The following CDH20 variants were observed in gnomAD, a reference collection of about 807,000 sequenced individuals.
CDH20 encodes cadherin 20.
Under a neutral mutation model 74.2 loss-of-function variants are expected in CDH20, and 29 were observed. The ratio of observed to expected loss-of-function variants is 0.39; its 90% CI spans 0.29 to 0.53. The LOEUF is 0.53. Ranked by LOEUF, CDH20 falls within the 20% of genes least tolerant of loss-of-function variation. The pLI, the probability that CDH20 is intolerant of heterozygous loss-of-function variation, is 0.69. For synonymous variants in CDH20, 469 were observed against 405.4 expected (o/e 1.16, Z -1.88); for missense variants, 988 against 1,048.3 (o/e 0.94, Z 0.79).
At chr18:61,347,484 T>TG (rs1910166784) in intron 1 of CDH20, among the ~76,000 whole-genome samples, 1 of 150,030 alleles carries the variant, frequency 6.7e-6, no homozygotes, top group Non-Finnish European at 1.5e-5. Flanking sequence ...CGTGCCACTG[T>TG]ACTCCAGCCG....
chr18:61,340,226 C>CT (rs59628153), intron 1 of CDH20, among the ~76,000 whole-genome samples: 10 of 119,738 alleles, frequency 8.4e-5, no homozygotes, highest in African/African-American at 2.7e-4. Context: ...CTTCAGCCTT[C>CT]TTTTTTTTTT....
intron 1 of CDH20, among the ~76,000 whole-genome samples, chr18:61,481,969 AGAGGG>A (rs1910604809): frequency 6.6e-6 from 1 of 150,780 alleles, no homozygotes; most frequent in Non-Finnish European, 1.5e-5. Flanking sequence ...TTCTAGCGTG[AGAGGG>A]GATTGTGTAA....
chr18:61,481,910 T>C (rs1167585803), intron 1 of CDH20, among the ~76,000 whole-genome samples: 1 of 152,116 alleles, frequency 6.6e-6, no homozygotes, highest in Non-Finnish European at 1.5e-5. Flanking sequence ...ATCAAGCATA[T>C]TTCAAATGTT....
chr18:61,488,458 T>A (rs889691645), intron 1 of CDH20, among the ~76,000 whole-genome samples: 1 of 152,120 alleles, frequency 6.6e-6, no homozygotes, highest in Non-Finnish European at 1.5e-5. Flanking sequence ...TACAGGGCAC[T>A]TTTTTGCCTG....
chr18:61,538,584 G>GTTTTTTTTTTTTTTTTTTTTTTT (rs1568182044), intron 8 of CDH20, among the ~76,000 whole-genome samples: 3 of 55,844 alleles, frequency 5.4e-5, no homozygotes, highest in Non-Finnish European at 1.0e-4. Context: ...ACTACTTTTT[G>GTTTTTTTTTTTTTTTTTTTTTTT]TTTGTTTGTT....
chr18:61,488,863 G>A (rs1328079849), intron 1 of CDH20, among the ~76,000 whole-genome samples: 1 of 152,168 alleles, frequency 6.6e-6, no homozygotes, highest in Non-Finnish European at 1.5e-5. Context: ...TGTAGACAGG[G>A]ATCAGAGAAA....
chr18:61,416,315 A>G (rs1329808657), intron 1 of CDH20, among the ~76,000 whole-genome samples: 1 of 152,208 alleles, frequency 6.6e-6, no homozygotes, highest in Non-Finnish European at 1.5e-5. Context: ...TTAGTGCTAA[A>G]TTTTATATCA....
intron 6 of CDH20, among the ~76,000 whole-genome samples, chr18:61,522,665 T>C (rs1912253159): frequency 6.6e-6 from 1 of 152,170 alleles, no homozygotes; most frequent in Non-Finnish European, 1.5e-5. Flanking sequence ...CTTCAAACTA[T>C]AGTACAAGAC....
intron 9 of CDH20, among the ~76,000 whole-genome samples, chr18:61,543,253 A>G (rs762805119): frequency 3.3e-5 from 5 of 152,212 alleles, no homozygotes; most frequent in Non-Finnish European, 7.3e-5. Flanking sequence ...ATACAAACTA[A>G]GCAAGCCCAG....
At chr18:61,545,651 C>A (rs2077057) in intron 10 of CDH20, among the ~76,000 whole-genome samples, 142,249 of 152,060 alleles carry the variant, frequency 0.94, 67,050 homozygotes, top group Non-Finnish European at 0.99. Flanking sequence ...AAATAAAATA[C>A]AATAAAATAA....
At chr18:61,456,096 C>A (rs766053632) in intron 1 of CDH20, among the ~76,000 whole-genome samples, 2 of 152,198 alleles carry the variant, frequency 1.3e-5, no homozygotes, top group Non-Finnish European at 2.9e-5. Flanking sequence ...TTTGGGGTGG[C>A]CCCATTCCAC....
chr18:61,407,807 A>G (rs942091447), intron 1 of CDH20, among the ~76,000 whole-genome samples: 9 of 152,250 alleles, frequency 5.9e-5, no homozygotes, highest in Non-Finnish European at 1.3e-4. Flanking sequence ...AAGGAAGGCT[A>G]AAGATCTGTC....
At chr18:61,355,291 C>T (rs562383887) in intron 1 of CDH20, among the ~76,000 whole-genome samples, 13 of 152,044 alleles carry the variant, frequency 8.6e-5, no homozygotes, top group African/African-American at 2.9e-4. Context: ...AGAAAACACA[C>T]TAGGAAATAA....
chr18:61,448,925 C>G (rs754678890), intron 1 of CDH20, among the ~76,000 whole-genome samples: 3 of 152,192 alleles, frequency 2.0e-5, no homozygotes, highest in Non-Finnish European at 4.4e-5. Flanking sequence ...ATAGCAATCT[C>G]TTGACTGAGA....
intron 8 of CDH20, among the ~76,000 whole-genome samples, chr18:61,537,764 A>G (rs1460029589): frequency 6.6e-6 from 1 of 152,208 alleles, no homozygotes; most frequent in Non-Finnish European, 1.5e-5. Flanking sequence ...TAATGAAGAA[A>G]TAAATCTTAA....
chr18:61,413,534 G>T (rs987465942), intron 1 of CDH20, among the ~76,000 whole-genome samples: 4 of 152,034 alleles, frequency 2.6e-5, no homozygotes, highest in African/African-American at 7.2e-5. Context: ...ACCATCCAAG[G>T]GTTTCTTTCT....
intron 1 of CDH20, among the ~76,000 whole-genome samples, chr18:61,445,608 A>G (rs925824358): frequency 2.6e-5 from 4 of 152,218 alleles, no homozygotes; most frequent in Admixed American, 2.6e-4. Flanking sequence ...AAAGATTTGA[A>G]CTCAGATTAT....
intron 1 of CDH20, among the ~76,000 whole-genome samples, chr18:61,414,786 ATTAT>A (rs1313004161): frequency 6.6e-6 from 1 of 151,934 alleles, no homozygotes; most frequent in Non-Finnish European, 1.5e-5. Flanking sequence ...TATTAAAATA[ATTAT>A]TAAGAATTTT....
At chr18:61,375,895 C>CT (rs1440608357) in intron 1 of CDH20, among the ~76,000 whole-genome samples, 2 of 152,036 alleles carry the variant, frequency 1.3e-5, no homozygotes, top group African/African-American at 4.8e-5. Context: ...AAGTATCCAA[C>CT]TGCATTATCC....
Sources: allele counts gnomAD v4.1 joint callset (sites outside exome capture counted in the v4.1 genomes callset), GRCh38; gene constraint gnomAD v4.1.1; transcripts MANE v1.5; gene names NCBI Gene and HGNC (gene_info 2026-07-23, HGNC 2026-07-21).